DMD: variants seen among roughly 807,000 people sequenced by gnomAD.
DMD encodes the protein dystrophin.
DMD carries 63 observed loss-of-function variants against 330.1 expected under a neutral mutation model. The observed-to-expected ratio is 0.19, with a 90% CI of 0.16 to 0.24. DMD has a LOEUF of 0.24. DMD is among the 10% of genes least tolerant of loss of function. The pLI is 1.00. For synonymous variants in DMD, 1,223 were observed against 959.8 expected (o/e 1.27, Z -5.07); for missense variants, 3,344 against 2,684.1 (o/e 1.25, Z -5.43).
intron 19 of DMD, among the ~76,000 whole-genome samples, chrX:32,501,086 TG>T (rs1446316613): frequency 8.9e-6 from 1 of 112,223 alleles, no homozygotes; most frequent in East Asian, 2.8e-4. Context: ...GAAAGAAGGT[TG>T]TTTACATATC....
At chrX:32,775,766 G>A (rs769598658) in intron 7 of DMD, among the ~76,000 whole-genome samples, 2 of 112,974 alleles carry the variant, frequency 1.8e-5, no homozygotes, top group Admixed American at 9.3e-5. Context: ...CCCTGAAGAC[G>A]TTTTCCCCAT....
At chrX:32,791,218 GC>G (rs34449023) in intron 7 of DMD, among the ~76,000 whole-genome samples, 46,121 of 110,119 alleles carry the variant, frequency 0.42, 7,229 homozygotes, top group Admixed American at 0.49. Context: ...CCAGAGGGTT[GC>G]CCCCCTCCCA....
chrX:31,566,911 T>C (rs184680782), intron 55 of DMD, among the ~76,000 whole-genome samples: 2 of 111,833 alleles, frequency 1.8e-5, no homozygotes, highest in Non-Finnish European at 3.8e-5. Flanking sequence ...ATTTCCAACA[T>C]AGATAATCCG....
intron 7 of DMD, among the ~76,000 whole-genome samples, chrX:32,769,999 A>G (rs2073429961): frequency 8.9e-6 from 1 of 112,072 alleles, no homozygotes; most frequent in African/African-American, 3.2e-5. Context: ...TACTAAGGTA[A>G]GTGACTTCTG....
intron 2 of DMD, among the ~76,000 whole-genome samples, chrX:32,969,520 A>G (rs2092310525): frequency 2.1e-5 from 2 of 93,860 alleles, no homozygotes; most frequent in African/African-American, 4.8e-5. Flanking sequence ...CTTCCTATCT[A>G]TAAAGCTATA....
At chrX:31,331,229 C>T (rs960737504) in intron 61 of DMD, among the ~76,000 whole-genome samples, 1 of 111,509 alleles carries the variant, frequency 9.0e-6, no homozygotes, top group African/African-American at 3.3e-5. Flanking sequence ...ACATGGTGAA[C>T]AGAATACCAC....
intron 9 of DMD, among the ~76,000 whole-genome samples, chrX:32,666,650 G>A (rs762193198): frequency 9.1e-6 from 1 of 110,335 alleles, no homozygotes; most frequent in African/African-American, 3.3e-5. Flanking sequence ...CCAACATGGT[G>A]AAACCCTGTC....
chrX:31,726,644 T>C (rs1357604345), intron 52 of DMD, among the ~76,000 whole-genome samples: 1 of 111,954 alleles, frequency 8.9e-6, no homozygotes, highest in Non-Finnish European at 1.9e-5. Context: ...TCCCATTTTA[T>C]AGATTTCAAA....
chrX:31,454,136 T>C (rs1005112112), intron 59 of DMD, among the ~76,000 whole-genome samples: 1 of 111,902 alleles, frequency 8.9e-6, no homozygotes, highest in African/African-American at 3.2e-5. Context: ...TTCAGACAGA[T>C]GAAGTTTTAC....
intron 49 of DMD, among the ~76,000 whole-genome samples, chrX:31,830,995 A>G (rs1047229879): frequency 8.9e-6 from 1 of 112,413 alleles, no homozygotes; most frequent in Admixed American, 9.4e-5. Flanking sequence ...GTTTCTTGAA[A>G]GCATCTAATC....
intron 64 of DMD, among the ~76,000 whole-genome samples, chrX:31,212,110 A>G (rs1288264940): frequency 9.3e-6 from 1 of 107,033 alleles, no homozygotes; most frequent in Non-Finnish European, 1.9e-5. Context: ...GTGTGAAACC[A>G]TTGTTTCCTT....
chrX:32,646,185 T>A (rs763956986), intron 9 of DMD, among the ~76,000 whole-genome samples: 8 of 111,652 alleles, frequency 7.2e-5, no homozygotes, highest in Admixed American at 1.9e-4. Context: ...ATAGGAACCA[T>A]ACACTCAAGT....
At chrX:31,442,151 A>G (rs1039562414) in intron 60 of DMD, among the ~76,000 whole-genome samples, 2 of 112,146 alleles carry the variant, frequency 1.8e-5, no homozygotes, top group African/African-American at 6.5e-5. Flanking sequence ...GAATAAAGAA[A>G]GGAACTTCAT....
intron 4 of DMD, among the ~76,000 whole-genome samples, chrX:32,825,440 C>A (rs948116701): frequency 9.0e-6 from 1 of 110,975 alleles, no homozygotes; most frequent in African/African-American, 3.3e-5. Flanking sequence ...AAGGTACTAC[C>A]CCCCCAGTGT....
intron 2 of DMD, among the ~76,000 whole-genome samples, chrX:32,964,084 C>T (rs937377349): frequency 1.9e-5 from 2 of 108,017 alleles, no homozygotes; most frequent in Admixed American, 9.9e-5. Flanking sequence ...GGTGAAACCC[C>T]GTCTCTACTA....
chrX:32,741,017 G>A (rs749907322), intron 7 of DMD, among the ~76,000 whole-genome samples: 1 of 111,712 alleles, frequency 9.0e-6, no homozygotes, highest in South Asian at 3.8e-4. Context: ...GAAGGTGTGT[G>A]TGTACGTTTG....
intron 44 of DMD, among the ~76,000 whole-genome samples, chrX:32,185,795 C>A (rs2096943621): frequency 9.1e-6 from 1 of 110,147 alleles, no homozygotes; most frequent in African/African-American, 3.3e-5. Flanking sequence ...TGGAAAAATT[C>A]AATAATGTAT....
intron 17 of DMD, among the ~76,000 whole-genome samples, chrX:32,521,953 G>A (rs228338): frequency 0.24 from 26,308 of 110,052 alleles, 2,428 homozygotes; most frequent in African/African-American, 0.33. Flanking sequence ...CTTTTCCACC[G>A]TGTGAGGGCA....
intron 2 of DMD, among the ~76,000 whole-genome samples, chrX:33,019,211 G>A (rs1039887451): frequency 2.4e-4 from 27 of 111,417 alleles, no homozygotes; most frequent in African/African-American, 7.1e-4. Flanking sequence ...AAGAGTTTCA[G>A]GCATTTTAGT....
Sources: gnomAD v4.1 joint callset for allele counts (sites outside exome capture counted in the v4.1 genomes callset) on GRCh38, gnomAD v4.1.1 for gene constraint, MANE v1.5 for transcripts, NCBI Gene and HGNC (gene_info 2026-07-23, HGNC 2026-07-21) for gene names.